Variants in CREBBP observed in about 807,000 individuals in gnomAD.
The protein encoded by CREBBP is CREB-binding protein.
Under a neutral mutation model 265.0 loss-of-function variants are expected in CREBBP, and 19 were observed. The observed-to-expected ratio is 0.07, with a 90% CI of 0.05 to 0.11. The LOEUF (loss-of-function observed/expected upper bound fraction) is 0.11, where lower values mean the gene tolerates loss of function less well. Ranked by LOEUF, CREBBP falls within the 10% of genes least tolerant of loss-of-function variation. CREBBP has a pLI of 1.00. For missense variants in CREBBP, 2,525 were observed against 3,219.0 expected, an observed-to-expected ratio of 0.78 and a Z score of 5.22; for synonymous variants, 1,457 against 1,223.7, an observed-to-expected ratio of 1.19 and a Z score of -3.98.
intron 25 of CREBBP, 168 bp downstream of exon 25, chr16:3,739,410 C>A: frequency 1.3e-6 from 1 of 772,740 alleles, no homozygotes. Context: ...GTTCATTTCC[C>A]GCTAGTTTAA....
intron 16 of CREBBP, chr16:3,761,698 C>A: frequency 4.5e-6 from 2 of 444,564 alleles, no homozygotes; most frequent in East Asian, 6.9e-5. Flanking sequence ...CGCACACGGT[C>A]CCCAGCACTT....
intron 2 of CREBBP, among the ~76,000 whole-genome samples, chr16:3,837,675 T>C (rs909006688): frequency 2.0e-5 from 3 of 151,162 alleles, no homozygotes; most frequent in African/African-American, 7.2e-5. Flanking sequence ...AGAAAAAGCT[T>C]ATAGAATAAG....
intron 2 of CREBBP, chr16:3,813,175 CTG>C: frequency 4.4e-6 from 1 of 229,550 alleles, no homozygotes; most frequent in East Asian, 6.2e-5. Flanking sequence ...AGTTCTAGCT[CTG>C]TGCATTTCAT....
chr16:3,834,697 T>C (rs562556728), intron 2 of CREBBP, among the ~76,000 whole-genome samples: 3 of 152,274 alleles, frequency 2.0e-5, no homozygotes, highest in South Asian at 4.2e-4. Context: ...TGTATCAATA[T>C]AGGTTTATTG....
At chr16:3,773,721 G>A (rs2141213913) in intron 13 of CREBBP, 30 bp downstream of exon 13, 1 of 1,610,532 alleles carries the variant, frequency 6.2e-7, no homozygotes, top group Non-Finnish European at 8.5e-7. Flanking sequence ...TTATTTCCTA[G>A]GGAGCCACGG....
intron 13 of CREBBP, among the ~76,000 whole-genome samples, chr16:3,771,837 G>C (rs904456584): frequency 2.7e-5 from 4 of 146,530 alleles, no homozygotes; most frequent in African/African-American, 1.0e-4. Context: ...AAAAGACAGA[G>C]TCTCGCTCTG....
At chr16:3,815,840 T>C (rs1186353712) in intron 2 of CREBBP, among the ~76,000 whole-genome samples, 1 of 152,072 alleles carries the variant, frequency 6.6e-6, no homozygotes. Context: ...AAATGTAGAA[T>C]TAAATTATTT....
intron 6 of CREBBP, among the ~76,000 whole-genome samples, chr16:3,781,891 T>TA (rs1025010930): frequency 7.2e-5 from 11 of 152,188 alleles, no homozygotes; most frequent in Non-Finnish European, 1.2e-4. Context: ...CAGTATTAGT[T>TA]AGACATTCAT....
intron 15 of CREBBP, 98 bp downstream of exon 15, chr16:3,769,076 A>C (rs2052933361): frequency 7.3e-7 from 1 of 1,366,762 alleles, no homozygotes; most frequent in Non-Finnish European, 1.0e-6. Context: ...ATTTTAACTA[A>C]AGTCAGGGAT....
In CREBBP at chr16:3,744,958, A is replaced by G. The variant is rs377244661; in HGVS notation, c.3918T>C (p.Phe1306=). 1.1e-5 allele frequency: 18 copies of G among 1,612,068 alleles called. No individual in the cohort carries two copies. The African/African-American group carries it at 2.3e-4, about 20-fold the overall frequency. Residue 1306 remains phenylalanine (F), a synonymous_variant, in exon 23 of 31, where the codon TTT becomes TTC. Coordinates refer to ENST00000262367, the MANE Select transcript of CREBBP (RefSeq NM_004380.3). ...LHYDIIWPSG[F]VCDNCLKKTG... ...TTTTCTTCAAGCAGTTGTCGCACAC[A>G]AAACTGCAAAATAATAGTGGTATGA...
chr16:3,805,461 G>A (rs915229928), intron 3 of CREBBP, among the ~76,000 whole-genome samples: 3 of 152,190 alleles, frequency 2.0e-5, no homozygotes, highest in Admixed American at 2.0e-4. Context: ...TTCTACTTGT[G>A]CAGTGAAAGG....
chr16:3,742,190 T>C (rs899423809), intron 23 of CREBBP: 4 of 152,222 alleles, frequency 2.6e-5, no homozygotes, highest in Non-Finnish European at 2.9e-5. Context: ...CACACATGGC[T>C]GCATACTCCA....
intron 28 of CREBBP, among the ~76,000 whole-genome samples, chr16:3,732,429 C>T (rs533611517): frequency 2.6e-5 from 4 of 152,304 alleles, no homozygotes; most frequent in African/African-American, 9.6e-5. Context: ...TCAAGGCCCA[C>T]GGAGAGCAGG....
At chr16:3,806,358 C>T (rs912745530) in intron 3 of CREBBP, among the ~76,000 whole-genome samples, 2 of 151,974 alleles carry the variant, frequency 1.3e-5, no homozygotes, top group Non-Finnish European at 2.9e-5. Context: ...CACAACAAAT[C>T]GTAACATCAC....
chr16:3,835,180 A>G (rs542567734), intron 2 of CREBBP, among the ~76,000 whole-genome samples: 30 of 152,230 alleles, frequency 2.0e-4, no homozygotes, highest in African/African-American at 7.2e-4. Flanking sequence ...AAAACAAACA[A>G]ACAAAAAAGC....
At chr16:3,854,363 C>G (rs1448497679) in intron 1 of CREBBP, among the ~76,000 whole-genome samples, 4 of 152,206 alleles carry the variant, frequency 2.6e-5, no homozygotes, top group Non-Finnish European at 1.5e-5. Context: ...GCAGACACCA[C>G]TTGCATGCTA....
At chr16:3,792,981 G>A (rs1194537709) in intron 4 of CREBBP, among the ~76,000 whole-genome samples, 1 of 152,218 alleles carries the variant, frequency 6.6e-6, no homozygotes, top group Non-Finnish European at 1.5e-5. Flanking sequence ...CAAGACAGAT[G>A]TTGGGATGCA....
chr16:3,808,376 G>A (rs2053873116), intron 3 of CREBBP, among the ~76,000 whole-genome samples: 1 of 152,196 alleles, frequency 6.6e-6, no homozygotes, highest in Admixed American at 6.5e-5. Flanking sequence ...TGGCTTAGAG[G>A]AGAAGGCTGT....
At chr16:3,864,067 C>G (rs2055130862) in intron 1 of CREBBP, among the ~76,000 whole-genome samples, 2 of 152,176 alleles carry the variant, frequency 1.3e-5, no homozygotes, top group Admixed American at 1.3e-4. Flanking sequence ...GGGGGCTGAG[C>G]TAGGAGCTAG....
Sources: allele counts gnomAD v4.1 joint callset (sites outside exome capture counted in the v4.1 genomes callset), GRCh38; gene constraint gnomAD v4.1.1; transcripts MANE v1.5; gene names NCBI Gene and HGNC (gene_info 2026-07-23, HGNC 2026-07-21).